Variants in RNF144B observed in about 807,000 individuals in gnomAD.
The protein encoded by RNF144B is E3 ubiquitin-protein ligase RNF144B.
A neutral mutation model predicts 40.2 loss-of-function variants in RNF144B; 25 were observed. That is an observed-to-expected ratio of 0.62 (90% CI 0.45 to 0.87). The LOEUF is 0.87. Among genes scored for constraint, RNF144B ranks in the 40% least tolerant of loss-of-function variants. RNF144B has a pLI of 0.00. For synonymous variants in RNF144B, 145 were observed against 136.3 expected (o/e 1.06, Z -0.44); for missense variants, 365 against 373.7 (o/e 0.98, Z 0.19).
In RNF144B at chr6:18,423,234, G is replaced by A. The variant is rs193285300; in HGVS notation, c.166-4347G>A. Among the ~76,000 whole-genome samples the A allele has an allele frequency of 1.3e-4, 20 of 152,238 alleles. No individual in the cohort carries two copies. In the East Asian group the frequency reaches 3.7e-3, roughly 28 times the overall value. On this transcript the variant is annotated intron_variant, in intron 2 of 7. Coordinates refer to ENST00000259939, the MANE Select transcript of RNF144B (RefSeq NM_182757.4). ...ATATTGTCCCATTTTATAAATGAGA[G>A]CACTGTAGCTAGAGAGGTTAATGAC... is the stretch of plus-strand genomic sequence containing the variant.
Position 18,418,738 on chromosome 6 carries a change from C to T in RNF144B, c.166-8843C>T, listed in dbSNP as rs1415968302. Among the ~76,000 whole-genome samples the T allele has an allele frequency of 6.6e-6, 1 of 151,910 alleles. No individual in the cohort carries two copies. The highest frequency in any genetic ancestry group is 6.6e-5 in the Admixed American group (1 of 15,244). Reference sequence around the variant, plus strand: ...TTGTATGGGTACGTGAATTATATCTCAGTTATAGATATCTGAATTATATCT... The same window carrying T: ...TTGTATGGGTACGTGAATTATATCTTAGTTATAGATATCTGAATTATATCT... On this transcript the variant is annotated intron_variant, in intron 2 of 7. Transcript: ENST00000259939. The surrounding 1 kb of genome is among the most constrained non-coding windows in gnomAD (Gnocchi z 5.2).
intron 3 of RNF144B, among the ~76,000 whole-genome samples, chr6:18,431,881 G>A (rs1188476135): frequency 6.6e-6 from 1 of 152,162 alleles, no homozygotes; most frequent in East Asian, 1.9e-4. Flanking sequence ...AATTGGCTCA[G>A]CTGTGATTAT....
Position 18,387,458 on chromosome 6 carries a change from C to T in RNF144B, c.-209C>T, listed in dbSNP as rs1794474567. 1 of 1,244,532 alleles carries T rather than the reference C, an allele frequency of 8.0e-7. No homozygotes were observed. Among genetic ancestry groups the T allele is most frequent in the Non-Finnish European group, 1.0e-6 (1 of 962,806 alleles). The allele number at this position is 1,244,532 out of a possible 1,614,324, so 77.1% of individuals were successfully genotyped here. On this transcript the variant is annotated 5_prime_UTR_variant, in exon 1 of 8. Transcript: ENST00000259939. Reference sequence around the variant, plus strand: ...TCCTCCCGACCCGTAGGTCTGGGAGCGCAAGTCCTGTTGCAGTCTTGCAAA... The same window carrying T: ...TCCTCCCGACCCGTAGGTCTGGGAGTGCAAGTCCTGTTGCAGTCTTGCAAA...
rs1166540477 is a variant in RNF144B at position 18,395,270 on chromosome 6, G to T, written c.-36-4229G>T. 6.6e-6 allele frequency among the ~76,000 whole-genome samples: 1 copy of T among 152,192 alleles called. No homozygotes were observed. Among genetic ancestry groups the T allele is most frequent in the African/African-American group, 2.4e-5 (1 of 41,436 alleles). On this transcript the variant is annotated intron_variant, in intron 1 of 7. Coordinates refer to ENST00000259939, the MANE Select transcript of RNF144B (RefSeq NM_182757.4). This position sits in a 1 kb window ranked among gnomAD's most constrained non-coding sequence, Gnocchi z 4.5. ...GAATGAAGACTTTTCTTGAAACCTG[G>T]AGGGGAGTGGATGTGAATTGCTTGT... is the stretch of plus-strand genomic sequence containing the variant.
intron 6 of RNF144B, among the ~76,000 whole-genome samples, chr6:18,461,065 G>C (rs897682543): frequency 6.6e-6 from 1 of 152,178 alleles, no homozygotes; most frequent in Non-Finnish European, 1.5e-5. Flanking sequence ...TGAGTGTGCA[G>C]TTAGCATGTA....
intron 2 of RNF144B, among the ~76,000 whole-genome samples, chr6:18,413,059 A>G (rs1795079145): frequency 6.6e-6 from 1 of 152,232 alleles, no homozygotes; most frequent in South Asian, 2.1e-4. Flanking sequence ...TTACTCTTCC[A>G]GTTTACAGAT....
chr6:18,423,090 T>A (rs1338017254), intron 2 of RNF144B, among the ~76,000 whole-genome samples: 2 of 152,232 alleles, frequency 1.3e-5, no homozygotes, highest in African/African-American at 4.8e-5. Flanking sequence ...TCTGCATGCC[T>A]GCCTATTCAG....
At chr6:18,435,450 T>C (rs1758795616) in intron 3 of RNF144B, among the ~76,000 whole-genome samples, 1 of 152,144 alleles carries the variant, frequency 6.6e-6, no homozygotes, top group Non-Finnish European at 1.5e-5. Flanking sequence ...CAGTGGAATT[T>C]TAATCACCAA....
chr6:18,466,654 G>T lies in RNF144B; in HGVS notation c.*1587G>T, dbSNP rs977551600. The T allele has an allele frequency of 1.3e-5, 2 of 152,610 alleles. No individual in the cohort carries two copies. The highest frequency in any genetic ancestry group is 4.8e-5 in the African/African-American group (2 of 41,434). The allele number at this position is 152,610 out of a possible 1,614,324, so 9.5% of individuals were successfully genotyped here. A position where few individuals can be genotyped will look rare whatever the true frequency, so the allele number is the denominator to read the frequency against. ...CTTGAAGCCAGGGATACCATATCAG[G>T]AACTATTCAGGATCTATGATATTTT... On this transcript the variant is annotated 3_prime_UTR_variant, in exon 8 of 8. Transcript: ENST00000259939.
chr6:18,421,364 A>G (rs2113490409), intron 2 of RNF144B, among the ~76,000 whole-genome samples: 1 of 152,126 alleles, frequency 6.6e-6, no homozygotes, highest in Non-Finnish European at 1.5e-5. Context: ...GTTAACATTA[A>G]TGTGATGAGT....
In RNF144B at chr6:18,467,413, T is replaced by TTG. The variant is rs1367274180; in HGVS notation, c.*2347_*2348insGT. 3.3e-5 allele frequency: 5 copies of TTG among 150,180 alleles called. No individual in the cohort carries two copies. The highest frequency in any genetic ancestry group is 1.2e-4 in the African/African-American group (5 of 40,784). The allele number at this position is 150,180 out of a possible 1,614,324, so 9.3% of individuals were successfully genotyped here. A position where few individuals can be genotyped will look rare whatever the true frequency, so the allele number is the denominator to read the frequency against. ...TTAGCTGCTTTTGTTTTTTTTTTTT[T>TTG]TTTTTTGCCAGGGCTATGGAGTGGG... On this transcript the variant is annotated 3_prime_UTR_variant, in exon 8 of 8. Transcript: ENST00000259939.
rs1794471963 is a variant in RNF144B at position 18,387,444 on chromosome 6, C to T, written c.-223C>T. 2.5e-6 allele frequency: 3 copies of T among 1,219,922 alleles called. No individual in the cohort carries two copies. The highest frequency in any genetic ancestry group is 2.8e-5 in the Admixed American group (1 of 36,100). The allele number at this position is 1,219,922 out of a possible 1,614,324, so 75.6% of individuals were successfully genotyped here. A position where few individuals can be genotyped will look rare whatever the true frequency, so the allele number is the denominator to read the frequency against. On this transcript the variant is annotated 5_prime_UTR_variant, in exon 1 of 8. Coordinates refer to ENST00000259939, the MANE Select transcript of RNF144B (RefSeq NM_182757.4). Reference sequence around the variant, plus strand: ...TCGGGGACTCCGCCTCCTCCCGACCCGTAGGTCTGGGAGCGCAAGTCCTGT... The same window carrying T: ...TCGGGGACTCCGCCTCCTCCCGACCTGTAGGTCTGGGAGCGCAAGTCCTGT...
intron 2 of RNF144B, among the ~76,000 whole-genome samples, chr6:18,421,268 T>C (rs1280315874): frequency 9.2e-5 from 11 of 118,954 alleles, no homozygotes; most frequent in Admixed American, 5.2e-4. Context: ...AAAAATTATA[T>C]ATTATACACA....
In RNF144B at chr6:18,399,416, T is replaced by G. The variant is rs555523928; in HGVS notation, c.-36-83T>G. The G allele has an allele frequency of 1.4e-5, 14 of 973,152 alleles. No homozygotes were observed. In the Admixed American group the frequency reaches 4.0e-4, roughly 28 times the overall value. 60.3% of individuals were successfully genotyped at this position (973,152 alleles called of 1,614,324 possible). A position where few individuals can be genotyped will look rare whatever the true frequency, so the allele number is the denominator to read the frequency against. ...TTTGGGATAACTGAGGGTGAGAATT[T>G]GATCAGCTGGCCTCCAGACGTGTTG... On this transcript the variant is annotated intron_variant, in intron 1 of 7. Transcript: ENST00000259939.
chr6:18,426,415 T>C (rs2113497581), intron 2 of RNF144B, among the ~76,000 whole-genome samples: 1 of 152,340 alleles, frequency 6.6e-6, no homozygotes, highest in South Asian at 2.1e-4. Flanking sequence ...TAGAGGTTTA[T>C]TTCCTGGAAC....
In RNF144B at chr6:18,464,942, G is replaced by C; in HGVS notation, c.787G>C (p.Val263Leu). The change falls in exon 8 of 8, where the codon GTA becomes CTA. Residue 263 changes from valine (V) to leucine (L), a missense_variant. Transcript: ENST00000259939. This position sits in a 1 kb window ranked among gnomAD's most constrained non-coding sequence, Gnocchi z 6.1. ...WNRTQVVGILVGLGIIALVTS... is the reference protein window; with the variant it reads ...WNRTQVVGILLGLGIIALVTS... ...AAATTTCCAGGTGGTGGGGATTCTCGTAGGCTTGGGCATCATTGCCTTGGT... is the reference window on the plus strand; with the variant it reads ...AAATTTCCAGGTGGTGGGGATTCTCCTAGGCTTGGGCATCATTGCCTTGGT... 3 of 1,613,952 alleles carry C rather than the reference G, an allele frequency of 1.9e-6. No homozygotes were observed.
Position 18,444,746 on chromosome 6 carries a change from G to A in RNF144B, c.331+5002G>A, listed in dbSNP as rs1190606989. On this transcript the variant is annotated intron_variant, in intron 4 of 7. Transcript: ENST00000259939. This position sits in a 1 kb window ranked among gnomAD's most constrained non-coding sequence, Gnocchi z 4.3. ...ATTACTGACTTCACTCCTGTATTAA[G>A]TATGTGCTTATTTATGTATTGCGTG... Among the ~76,000 whole-genome samples, 1 of 152,116 alleles carries A rather than the reference G, an allele frequency of 6.6e-6. No homozygotes were observed. The highest frequency in any genetic ancestry group is 2.4e-5 in the African/African-American group (1 of 41,412).
intron 2 of RNF144B, among the ~76,000 whole-genome samples, chr6:18,426,656 T>G (rs1017432863): frequency 2.6e-5 from 4 of 151,534 alleles, no homozygotes; most frequent in African/African-American, 9.7e-5. Context: ...GGCTTCTTTT[T>G]TTCTATTCAG....
At position 18,425,883 on chromosome 6, in the gene RNF144B, G is replaced by C. The variant is rs1027313995; in HGVS notation, c.166-1698G>C. Among the ~76,000 whole-genome samples the C allele has an allele frequency of 1.3e-5, 2 of 152,020 alleles. No individual in the cohort carries two copies. The highest frequency in any genetic ancestry group is 2.9e-5 in the Non-Finnish European group (2 of 67,998). ...AGTTTTTGCTGTGATGAATATTATA[G>C]AAAAAATTAACTCCTTGGAGAAAAA... On this transcript the variant is annotated intron_variant, in intron 2 of 7. Transcript: ENST00000259939. The surrounding 1 kb of genome is among the most constrained non-coding windows in gnomAD (Gnocchi z 4.2).
Sources: allele counts gnomAD v4.1 joint callset (sites outside exome capture counted in the v4.1 genomes callset), GRCh38; gene constraint gnomAD v4.1.1; non-coding constraint Gnocchi (gnomAD v3.1); transcripts MANE v1.5; gene names NCBI Gene and HGNC (gene_info 2026-07-23, HGNC 2026-07-21).